SNX29: variants seen among roughly 807,000 people sequenced by gnomAD.
The protein encoded by SNX29 is sorting nexin 29.
In SNX29, 78 loss-of-function variants were observed where a neutral mutation model predicts 102.1. The observed-to-expected ratio is 0.76, with a 90% CI of 0.64 to 0.92. The LOEUF (loss-of-function observed/expected upper bound fraction) is 0.92, where lower values mean the gene tolerates loss of function less well. Among genes scored for constraint, SNX29 ranks in the 40% least tolerant of loss-of-function variants. The pLI is 0.00. For missense variants in SNX29, 1,280 were observed against 1,061.7 expected (o/e 1.21, Z -2.86); for synonymous variants, 580 against 414.5 (o/e 1.40, Z -4.85).
At chr16:12,300,281 T>C (rs1475724772) in intron 15 of SNX29, among the ~76,000 whole-genome samples, 1 of 152,226 alleles carries the variant, frequency 6.6e-6, no homozygotes, top group Non-Finnish European at 1.5e-5. Flanking sequence ...GAACCCTTTT[T>C]TGCCTCCTGT....
At chr16:12,360,261 G>T (rs1334196483) in intron 16 of SNX29, among the ~76,000 whole-genome samples, 3 of 152,198 alleles carry the variant, frequency 2.0e-5, no homozygotes, top group African/African-American at 7.2e-5. Flanking sequence ...AGTGCAGTTG[G>T]TTGGTGTGCC....
chr16:12,497,951 A>G (rs908046020), intron 19 of SNX29, among the ~76,000 whole-genome samples: 3 of 152,184 alleles, frequency 2.0e-5, no homozygotes, highest in Non-Finnish European at 4.4e-5. Flanking sequence ...ACTCTCAGAC[A>G]AGGTTGATTC....
At chr16:12,137,219 G>C (rs747028148) in intron 13 of SNX29, among the ~76,000 whole-genome samples, 4 of 152,224 alleles carry the variant, frequency 2.6e-5, no homozygotes, top group Admixed American at 1.3e-4. Flanking sequence ...CATAGCTCCA[G>C]GCCCTCAGTA....
At chr16:12,390,508 CT>C (rs1298592294) in intron 16 of SNX29, among the ~76,000 whole-genome samples, 3 of 152,164 alleles carry the variant, frequency 2.0e-5, no homozygotes, top group Admixed American at 6.5e-5. Flanking sequence ...TCCTCTCCCC[CT>C]GTCACCTGCA....
At chr16:12,156,276 C>T (rs888387604) in intron 13 of SNX29, among the ~76,000 whole-genome samples, 5 of 152,194 alleles carry the variant, frequency 3.3e-5, no homozygotes, top group Admixed American at 6.5e-5. Context: ...CAGATTCAAG[C>T]GATTCTCCTG....
At chr16:12,054,810 G>A (rs2050452560) in intron 8 of SNX29, among the ~76,000 whole-genome samples, 1 of 152,192 alleles carries the variant, frequency 6.6e-6, no homozygotes. Flanking sequence ...CAGAACCGTG[G>A]CTAACGCAGT....
At chr16:12,277,519 T>G (rs146531271) in intron 14 of SNX29, among the ~76,000 whole-genome samples, 58 of 152,364 alleles carry the variant, frequency 3.8e-4, no homozygotes, top group African/African-American at 1.3e-3. Flanking sequence ...AGATTATTTC[T>G]TGACTCCTGT....
At chr16:12,175,431 C>T (rs2076238371) in intron 13 of SNX29, among the ~76,000 whole-genome samples, 1 of 151,726 alleles carries the variant, frequency 6.6e-6, no homozygotes, top group South Asian at 2.1e-4. Context: ...GAGTTCGAGC[C>T]CAGCCTGGCC....
At chr16:12,276,268 G>T (rs1485206863) in intron 14 of SNX29, among the ~76,000 whole-genome samples, 1 of 152,124 alleles carries the variant, frequency 6.6e-6, no homozygotes, top group African/African-American at 2.4e-5. Flanking sequence ...TCTTTACAGA[G>T]TTCTTCACAG....
intron 18 of SNX29, among the ~76,000 whole-genome samples, chr16:12,447,165 C>CAAAAAAAA (rs59942122): frequency 6.8e-5 from 3 of 43,908 alleles, no homozygotes; most frequent in African/African-American, 8.9e-5. Flanking sequence ...GACTCTGTCT[C>CAAAAAAAA]AAAAAAAAAA....
chr16:12,304,612 T>TG (rs2080282644), intron 15 of SNX29, among the ~76,000 whole-genome samples: 1 of 152,222 alleles, frequency 6.6e-6, no homozygotes, highest in Non-Finnish European at 1.5e-5. Flanking sequence ...AGGCTGGTCT[T>TG]GAACGCCTGA....
Position 12,223,128 on chromosome 16 carries a change from C to T in SNX29, c.1678+23445C>T, listed in dbSNP as rs139698675. Among the ~76,000 whole-genome samples the T allele has an allele frequency of 4.6e-4, 70 of 152,240 alleles. No individual in the cohort carries two copies. The East Asian group carries it at 0.012, about 25-fold the overall frequency. On this transcript the variant is annotated intron_variant, in intron 14 of 20. Coordinates refer to ENST00000566228, the MANE Select transcript of SNX29 (RefSeq NM_032167.5). ...ATGAGTAGGGTTTCTGGAGTCAGAC[C>T]ATGTAAGGGTGAACCCCAATGCTAC...
chr16:12,391,588 A>G (rs776337599), intron 16 of SNX29, among the ~76,000 whole-genome samples: 2 of 152,168 alleles, frequency 1.3e-5, no homozygotes, highest in African/African-American at 4.8e-5. Context: ...GCTGTACTTT[A>G]TCATCTGTTT....
intron 15 of SNX29, among the ~76,000 whole-genome samples, chr16:12,325,201 A>G (rs990320906): frequency 6.6e-6 from 1 of 152,210 alleles, no homozygotes; most frequent in African/African-American, 2.4e-5. Flanking sequence ...CATTTTGACT[A>G]TAGCCCTTCC....
At chr16:12,540,515 G>C (rs987317154) in intron 20 of SNX29, among the ~76,000 whole-genome samples, 1 of 152,326 alleles carries the variant, frequency 6.6e-6, no homozygotes, top group African/African-American at 2.4e-5. Context: ...CGAGGTTGTG[G>C]GGCAGAATTT....
intron 18 of SNX29, among the ~76,000 whole-genome samples, chr16:12,414,750 G>T (rs1278878683): frequency 1.3e-5 from 2 of 152,156 alleles, no homozygotes; most frequent in Non-Finnish European, 2.9e-5. Context: ...TTTAGAGACA[G>T]ACTCTGTGTC....
At chr16:12,550,004 A>C (rs1339596449) in intron 20 of SNX29, among the ~76,000 whole-genome samples, 2 of 152,238 alleles carry the variant, frequency 1.3e-5, no homozygotes, top group African/African-American at 4.8e-5. Flanking sequence ...TCTTATTATA[A>C]GGGCAAAGTT....
At chr16:12,380,791 A>C in intron 16 of SNX29, among the ~76,000 whole-genome samples, 1 of 48,646 alleles carries the variant, frequency 2.1e-5, no homozygotes, top group Non-Finnish European at 4.9e-5. Context: ...CCACCCATCC[A>C]CCCACACACC....
intron 1 of SNX29, among the ~76,000 whole-genome samples, chr16:11,981,882 G>A (rs2055424757): frequency 6.6e-6 from 1 of 152,098 alleles, no homozygotes; most frequent in Admixed American, 6.6e-5. Flanking sequence ...CATCACCGTG[G>A]CTGCATCTCA....
Sources: allele counts gnomAD v4.1 joint callset (sites outside exome capture counted in the v4.1 genomes callset), GRCh38; gene constraint gnomAD v4.1.1; transcripts MANE v1.5; gene names NCBI Gene and HGNC (gene_info 2026-07-23, HGNC 2026-07-21).